FH: variants seen among roughly 807,000 people sequenced by gnomAD.
FH encodes the protein fumarate hydratase, also known as fumarate hydratase, mitochondrial.
Under a neutral mutation model 49.4 loss-of-function variants are expected in FH, and 22 were observed. The observed-to-expected ratio is 0.45, with a 90% CI of 0.32 to 0.64. The LOEUF (loss-of-function observed/expected upper bound fraction) is 0.64. Among genes scored for constraint, FH ranks in the 30% least tolerant of loss-of-function variants. The probability of loss-of-function intolerance (pLI) is 0.05; values close to 1 mark genes in which losing one functional copy is unlikely to be tolerated. For synonymous variants in FH, 208 were observed against 223.0 expected (o/e 0.93, Z 0.60); for missense variants, 526 against 641.5 (o/e 0.82, Z 1.95).
chr1:241,516,494 A>T (rs1222684633), intron 2 of FH, among the ~76,000 whole-genome samples: 1 of 152,114 alleles, frequency 6.6e-6, no homozygotes. Flanking sequence ...CAAAGCACAC[A>T]GGGGCCTGTG....
rs1391802399 is a variant in FH, at chr1:241,497,785, T to C, written c.*43A>G. ...TTTTAAGAAATGGGAGTCTGTTTTTTTAAATTTTATACATGTTTATTTTCA... is the reference window on the plus strand; with the variant it reads ...TTTTAAGAAATGGGAGTCTGTTTTTCTAAATTTTATACATGTTTATTTTCA... On this transcript the variant is annotated 3_prime_UTR_variant, in exon 10 of 10. Coordinates refer to ENST00000366560, the MANE Select transcript of FH (RefSeq NM_000143.4). 10 of 1,522,780 alleles carry C rather than the reference T, an allele frequency of 6.6e-6. No homozygotes were observed. Among genetic ancestry groups the C allele is most frequent in the Non-Finnish European group, 8.9e-6 (10 of 1,125,922 alleles). 94.3% of individuals were successfully genotyped at this position (1,522,780 alleles called of 1,614,324 possible).
At chr1:241,511,789 AT>A in intron 4 of FH, 177 bp downstream of exon 4, 1 of 604,278 alleles carries the variant, frequency 1.7e-6, no homozygotes, top group South Asian at 2.2e-5. Flanking sequence ...CCTAAAAATA[AT>A]TTTTATAAGG....
At chr1:241,516,284 A>G (rs1322593595) in intron 2 of FH, among the ~76,000 whole-genome samples, 2 of 152,350 alleles carry the variant, frequency 1.3e-5, no homozygotes, top group East Asian at 3.9e-4. Context: ...AATAAAGGAT[A>G]AAGAAAAAGT....
At chr1:241,512,937 G>A (rs71648654) in intron 3 of FH, among the ~76,000 whole-genome samples, 11 of 145,776 alleles carry the variant, frequency 7.5e-5, no homozygotes, top group Admixed American at 3.4e-4. Context: ...GTGTGTGTGT[G>A]TATATGAGAA....
Position 241,512,001 on chromosome 1 carries a change from G to T in FH, c.521C>A (p.Pro174His), listed in dbSNP as rs199822819. Residue 174 changes from proline (P) to histidine (H), a missense_variant, in exon 4 of 10, where the codon CCT (proline) becomes CAT (histidine). Physicochemically the swap from Pro to His is moderately conservative, Grantham distance 77 (BLOSUM62 -2). Transcript: ENST00000366560. ...ATTAACATGATCGTTGGGATGCACAGGTATCTTGCTGCCAAGTTCACCTCC... is the reference window on the plus strand; with the variant it reads ...ATTAACATGATCGTTGGGATGCACATGTATCTTGCTGCCAAGTTCACCTCC... ...MLGGELGSKI[P>H]VHPNDHVNKS... The T allele has an allele frequency of 6.2e-7, 1 of 1,613,942 alleles. No individual in the cohort carries two copies. Among genetic ancestry groups the T allele is most frequent in the Non-Finnish European group, 8.5e-7 (1 of 1,179,920 alleles).
Position 241,503,996 on chromosome 1 carries a change from G to C in FH, c.1108+46C>G, listed in dbSNP as rs775548838. 13 of 1,555,988 alleles carry C rather than the reference G, an allele frequency of 8.4e-6. No individual in the cohort carries two copies. The East Asian group carries it at 1.4e-4, about 16-fold the overall frequency. On this transcript the variant is annotated intron_variant, in intron 7 of 9. Transcript: ENST00000366560. ...ATGGTCCATAGCTAAGAATGCCTAG[G>C]ACCTAGTCAAGTTTTAGCTCCAACA... is the stretch of plus-strand genomic sequence containing the variant.
rs200491078 is a variant in FH, at chr1:241,504,239, G to C, written c.911C>G (p.Pro304Arg). 151 of 1,613,826 alleles carry C rather than the reference G, an allele frequency of 9.4e-5. 3 individuals are homozygous for C. In the South Asian group the frequency reaches 1.5e-3, roughly 16 times the overall value. Reference protein sequence around the residue: ...AAKVAALTGLPFVTAPNKFEA... With the variant: ...AAKVAALTGLRFVTAPNKFEA... ...AAATTTATTCGGAGCAGTGACAAAA[G>C]GCAAGCCTAAAGAAAAGAAAAATAT... Residue 304 changes from proline to arginine, a missense_variant, in exon 7 of 10, where the codon CCT becomes CGT. Coordinates refer to ENST00000366560, the MANE Select transcript of FH (RefSeq NM_000143.4).
chr1:241,511,206 A>G (rs1462943412), intron 4 of FH, among the ~76,000 whole-genome samples: 2 of 152,146 alleles, frequency 1.3e-5, no homozygotes, highest in Non-Finnish European at 2.9e-5. Flanking sequence ...TTACGAAGAG[A>G]CCCCAGAGAG....
intron 8 of FH, among the ~76,000 whole-genome samples, chr1:241,502,076 C>A (rs532209025): frequency 6.6e-6 from 1 of 152,014 alleles, no homozygotes; most frequent in South Asian, 2.1e-4. Flanking sequence ...GAGAATAATT[C>A]AAGCGTGGAG....
Position 241,513,680 on chromosome 1 carries a change from G to A in FH, c.301C>T (p.Arg101Ter), listed in dbSNP as rs121913120. The change falls in exon 3 of 10, where the codon CGA becomes TGA. Residue 101 changes from arginine (R) to a stop codon, truncating the protein, a stop_gained. Transcript: ENST00000366560. LOFTEE classifies it high-confidence loss of function. ...PVIKAFGILKRAAAEVNQDYG... is the reference protein window; with the variant it reads ...PVIKAFGILK ...TCCTGGTTTACTTCAGCGGCCGCTCGCTTCAAGATGCCAAAAGCTTTAATA... is the reference window on the plus strand; with the variant it reads ...TCCTGGTTTACTTCAGCGGCCGCTCACTTCAAGATGCCAAAAGCTTTAATA... The A allele has an allele frequency of 7.4e-6, 12 of 1,613,900 alleles. No individual in the cohort carries two copies. The highest frequency in any genetic ancestry group is 1.0e-5 in the Non-Finnish European group (12 of 1,179,948).
Position 241,513,654 on chromosome 1 carries a change from A to C in FH, c.327T>G (p.Asp109Glu), listed in dbSNP as rs757312078. ...TAGCAATCTTTGGATCAAGACCATA[A>C]TCCTGGTTTACTTCAGCGGCCGCTC... ...LKRAAAEVNQ[D>E]YGLDPKIANA... The change falls in exon 3 of 10, where the codon GAT becomes GAG. Residue 109 changes from aspartate (D) to glutamate (E), a missense_variant. By Grantham distance (45) the Asp-to-Glu change is conservative. Around this residue, in one of 2 missense-constraint regions of FH, gnomAD observed 383 missense variants for 514.0 expected, o/e 0.75. Transcript: ENST00000366560. The C allele has an allele frequency of 8.1e-6, 13 of 1,614,032 alleles. No homozygotes were observed. Among genetic ancestry groups the C allele is most frequent in the Non-Finnish European group, 7.6e-6 (9 of 1,180,008 alleles).
chr1:241,517,439 T>C (rs1660250190), intron 1 of FH, 123 bp from the exon 2 acceptor site: 3 of 1,028,014 alleles, frequency 2.9e-6, no homozygotes, highest in East Asian at 2.6e-5. Context: ...AAAAAAATAC[T>C]ATTTGGATTC....
At chr1:241,508,876 TCCAA>T (rs1660002361) in intron 4 of FH, 91 bp from the exon 5 acceptor site, 5 of 1,100,810 alleles carry the variant, frequency 4.5e-6, no homozygotes. Flanking sequence ...TAAAAAACTC[TCCAA>T]CTAACTACTC....
chr1:241,502,551 C>G lies in FH; in HGVS notation c.1128G>C (p.Gln376His). The change falls in exon 8 of 10, where the codon CAG (glutamine) becomes CAC (histidine). Residue 376 changes from glutamine to histidine, a missense_variant. Coordinates refer to ENST00000366560, the MANE Select transcript of FH (RefSeq NM_000143.4). ...SIMPGKVNPTQCEAMTMVAAQ... is the reference protein window; with the variant it reads ...SIMPGKVNPTHCEAMTMVAAQ... ...CTGCAACCATGGTCATTGCTTCACA[C>G]TGAGTAGGGTTCACCTTGCCTTCAA... 1 of 1,614,110 alleles carries G rather than the reference C, an allele frequency of 6.2e-7. No individual in the cohort carries two copies. The highest frequency in any genetic ancestry group is 8.5e-7 in the Non-Finnish European group (1 of 1,180,004).
chr1:241,517,057 C>A, intron 2 of FH, 125 bp downstream of exon 2: 1 of 1,167,908 alleles, frequency 8.6e-7, no homozygotes, highest in Non-Finnish European at 1.3e-6. Flanking sequence ...CCTCTTATTA[C>A]TCACGAAGCC....
chr1:241,503,030 C>G (rs1435412192), intron 7 of FH, among the ~76,000 whole-genome samples: 1 of 152,144 alleles, frequency 6.6e-6, no homozygotes, highest in Non-Finnish European at 1.5e-5. Flanking sequence ...TGATGCTAAG[C>G]TAAAATTTTC....
At chr1:241,509,569 T>C (rs1240355165) in intron 4 of FH, among the ~76,000 whole-genome samples, 2 of 151,616 alleles carry the variant, frequency 1.3e-5, no homozygotes, top group African/African-American at 4.8e-5. Flanking sequence ...AGGCCAGGAG[T>C]TTAAGACCAG....
rs2147926921 is a variant in FH, at chr1:241,519,632, C to T, written c.91G>A (p.Ala31Thr). ...ALASAPGLGGAAVPSFWPPNA... is the reference protein window; with the variant it reads ...ALASAPGLGGTAVPSFWPPNA... ...GGAGGCCAAAACGAGGGCACGGCCG[C>T]GCCACCCAAGCCGGGAGCCGAAGCT... Residue 31 changes from alanine to threonine, a missense_variant, in exon 1 of 10, where the codon GCG becomes ACG. Ala to Thr is a moderately conservative substitution (Grantham distance 58). This residue lies in a region of FH where 143 missense variants were observed against 127.5 expected (regional missense o/e 1.12). Transcript: ENST00000366560. The T allele has an allele frequency of 6.5e-7, 1 of 1,547,838 alleles. No individual in the cohort carries two copies. The highest frequency in any genetic ancestry group is 8.7e-7 in the Non-Finnish European group (1 of 1,146,488).
At chr1:241,514,318 C>A (rs947899193) in intron 2 of FH, among the ~76,000 whole-genome samples, 1 of 152,174 alleles carries the variant, frequency 6.6e-6, no homozygotes, top group African/African-American at 2.4e-5. Flanking sequence ...ACATTTCTCT[C>A]AGAAGAATTA....
Sources: allele counts gnomAD v4.1 joint callset (sites outside exome capture counted in the v4.1 genomes callset), GRCh38; gene constraint gnomAD v4.1.1; regional missense constraint gnomAD v4.1.1; transcripts MANE v1.5; gene names NCBI Gene and HGNC (gene_info 2026-07-23, HGNC 2026-07-21).